The following UBE2Q2 variants were observed in gnomAD, a reference collection of about 807,000 sequenced individuals.
UBE2Q2 encodes ubiquitin conjugating enzyme E2 Q2.
UBE2Q2 carries 54 observed loss-of-function variants against 59.9 expected under a neutral mutation model. The observed-to-expected ratio is 0.90, with a 90% CI of 0.72 to 1.13. UBE2Q2 has a LOEUF of 1.13. Ranked by LOEUF, UBE2Q2 falls within the 50% of genes most tolerant of loss-of-function variation. UBE2Q2 has a pLI of 0.00. For missense variants in UBE2Q2, 433 were observed against 441.9 expected (o/e 0.98, Z 0.18); for synonymous variants, 165 against 155.2 (o/e 1.06, Z -0.47).
chr15:75,875,280 G>A (rs1272301119), intron 5 of UBE2Q2, among the ~76,000 whole-genome samples: 1 of 93,258 alleles, frequency 1.1e-5, no homozygotes, highest in Non-Finnish European at 2.2e-5. Flanking sequence ...GATATGAAAT[G>A]AGCTAGGAAA....
intron 2 of UBE2Q2, among the ~76,000 whole-genome samples, chr15:75,854,812 G>A (rs956881316): frequency 3.9e-5 from 6 of 152,218 alleles, no homozygotes; most frequent in African/African-American, 1.4e-4. Flanking sequence ...GGAGTGAAGG[G>A]AGAGATGGGG....
In UBE2Q2 at chr15:75,854,488, G is replaced by A; in HGVS notation, c.282+1G>A. On this transcript the variant is annotated splice_donor_variant, in intron 2 of 12. Transcript: ENST00000267938. LOFTEE classifies it high-confidence loss of function. The stretch of plus-strand genomic sequence containing the variant: ...AGAAGATACTAAGAACAACAATTTG[G>A]TAAGAAAATAAGCCAAGCTATTTTC... 1 of 1,598,696 alleles carries A rather than the reference G, an allele frequency of 6.3e-7. No individual in the cohort carries two copies. The highest frequency in any genetic ancestry group is 8.5e-7 in the Non-Finnish European group (1 of 1,170,796).
At chr15:75,880,790 T>C (rs1192468758) in intron 8 of UBE2Q2, among the ~76,000 whole-genome samples, 1 of 152,208 alleles carries the variant, frequency 6.6e-6, no homozygotes, top group East Asian at 1.9e-4. Flanking sequence ...TGATTTAATA[T>C]GGATCTGGAT....
At chr15:75,862,347 T>G (rs1192837835) in intron 3 of UBE2Q2, among the ~76,000 whole-genome samples, 2 of 152,156 alleles carry the variant, frequency 1.3e-5, no homozygotes, top group African/African-American at 2.4e-5. Flanking sequence ...AAGGAGCTAT[T>G]TTGATACTCT....
Position 75,859,882 on chromosome 15 carries a change from G to C in UBE2Q2, c.287G>C (p.Arg96Pro). Residue 96 changes from arginine to proline, a missense_variant, in exon 3 of 13, where the codon CGT (arginine) becomes CCT (proline). Arg to Pro is a moderately radical substitution (Grantham distance 103). Transcript: ENST00000267938. ...LEDTKNNNLL[R>P]QQLKWLICEL... The stretch of plus-strand genomic sequence containing the variant: ...TTACTGAAATGTGTTTTGTAGCTTC[G>C]TCAGCAATTGAAGTGGTTGATATGT... The C allele has an allele frequency of 6.3e-7, 1 of 1,584,208 alleles. No homozygotes were observed. The highest frequency in any genetic ancestry group is 8.5e-7 in the Non-Finnish European group (1 of 1,170,738).
At chr15:75,846,184 C>G (rs1896335846) in intron 1 of UBE2Q2, among the ~76,000 whole-genome samples, 1 of 152,162 alleles carries the variant, frequency 6.6e-6, no homozygotes, top group East Asian at 1.9e-4. Context: ...AGACAGATCA[C>G]TTCATCTGTA....
At chr15:75,855,375 C>T (rs1011564784) in intron 2 of UBE2Q2, among the ~76,000 whole-genome samples, 3 of 151,910 alleles carry the variant, frequency 2.0e-5, no homozygotes, top group Non-Finnish European at 2.9e-5. Flanking sequence ...CTTGTAATCC[C>T]AGCTACTTGG....
At chr15:75,848,925 T>G (rs1896497431) in intron 1 of UBE2Q2, among the ~76,000 whole-genome samples, 1 of 152,200 alleles carries the variant, frequency 6.6e-6, no homozygotes, top group Non-Finnish European at 1.5e-5. Context: ...TTTCTGCAGC[T>G]TAGGTGGTTC....
chr15:75,866,975 G>C (rs1296064166), intron 3 of UBE2Q2, among the ~76,000 whole-genome samples: 1 of 152,104 alleles, frequency 6.6e-6, no homozygotes, highest in African/African-American at 2.4e-5. Flanking sequence ...TCAGCTCTCT[G>C]GTGATACCTG....
At chr15:75,855,363 T>G (rs981404900) in intron 2 of UBE2Q2, among the ~76,000 whole-genome samples, 1 of 152,006 alleles carries the variant, frequency 6.6e-6, no homozygotes, top group Non-Finnish European at 1.5e-5. Flanking sequence ...TGGTGGCGCA[T>G]GCTTGTAATC....
chr15:75,885,928 A>G (rs1053399494), intron 9 of UBE2Q2, among the ~76,000 whole-genome samples: 28 of 152,244 alleles, frequency 1.8e-4, no homozygotes, highest in Middle Eastern at 3.4e-3. Context: ...ATGTTAGGTA[A>G]CCCAGCCAAA....
chr15:75,887,350 C>T lies in UBE2Q2; in HGVS notation c.885-3085C>T, dbSNP rs115975633. 5.6e-4 allele frequency among the ~76,000 whole-genome samples: 85 copies of T among 152,158 alleles called. 1 individual carries two copies. The highest frequency in any genetic ancestry group is 2.0e-3 in the African/African-American group (84 of 41,482). On this transcript the variant is annotated intron_variant, in intron 9 of 12. Coordinates refer to ENST00000267938, the MANE Select transcript of UBE2Q2 (RefSeq NM_173469.4). ...CAGCTGGGCAGTGAAATGTGAGTGT[C>T]GGGTTTGGTCAGCTGGTGGAGGTTG...
At chr15:75,859,414 C>G (rs999576629) in intron 2 of UBE2Q2, among the ~76,000 whole-genome samples, 2 of 151,980 alleles carry the variant, frequency 1.3e-5, no homozygotes, top group South Asian at 4.1e-4. Flanking sequence ...TAGATATTTG[C>G]TTCTGTATTT....
chr15:75,852,060 A>G (rs538320219), intron 1 of UBE2Q2, among the ~76,000 whole-genome samples: 1 of 151,604 alleles, frequency 6.6e-6, no homozygotes, highest in South Asian at 2.1e-4. Context: ...TTTTTTTTGT[A>G]GAGATGGGGT....
At chr15:75,899,303 A>AT (rs907526432) in intron 12 of UBE2Q2, 124 bp from the exon 13 acceptor site, 60 of 295,772 alleles carry the variant, frequency 2.0e-4, no homozygotes, top group East Asian at 4.6e-4. Flanking sequence ...ATATATATAT[A>AT]TTTTTTACGG....
chr15:75,887,373 T>A (rs1027622739), intron 9 of UBE2Q2, among the ~76,000 whole-genome samples: 4 of 151,714 alleles, frequency 2.6e-5, no homozygotes, highest in Non-Finnish European at 4.4e-5. Context: ...CTGGTGGAGG[T>A]TGAAGGAAAA....
chr15:75,858,081 T>C (rs1349141272), intron 2 of UBE2Q2, among the ~76,000 whole-genome samples: 2 of 152,318 alleles, frequency 1.3e-5, no homozygotes, highest in East Asian at 3.9e-4. Flanking sequence ...TTTGATCTTA[T>C]CACCCTGCCT....
chr15:75,873,635 A>C, intron 5 of UBE2Q2, 67 bp downstream of exon 5: 1 of 1,503,526 alleles, frequency 6.7e-7, no homozygotes, highest in Non-Finnish European at 9.0e-7. Flanking sequence ...ATACCAGGCA[A>C]TTCATTAACA....
chr15:75,850,342 T>TA (rs1487178695), intron 1 of UBE2Q2, among the ~76,000 whole-genome samples: 2 of 152,236 alleles, frequency 1.3e-5, no homozygotes, highest in East Asian at 1.9e-4. Context: ...CCCTCTCCCT[T>TA]AAAAAATCAG....
Sources: allele counts gnomAD v4.1 joint callset (sites outside exome capture counted in the v4.1 genomes callset), GRCh38; gene constraint gnomAD v4.1.1; transcripts MANE v1.5; gene names NCBI Gene and HGNC (gene_info 2026-07-23, HGNC 2026-07-21).